The following MITD1 variants were observed in gnomAD, a reference collection of about 807,000 sequenced individuals.
MITD1 encodes the protein MIT domain-containing protein 1.
Under a neutral mutation model 34.9 loss-of-function variants are expected in MITD1, and 24 were observed. The observed-to-expected ratio is 0.69, with a 90% CI of 0.50 to 0.97. The LOEUF (loss-of-function observed/expected upper bound fraction) is 0.97, where lower values mean the gene tolerates loss of function less well. Among genes scored for constraint, MITD1 ranks in the 50% least tolerant of loss-of-function variants. The pLI is 0.00. For synonymous variants in MITD1, 102 were observed against 101.4 expected (o/e 1.01, Z -0.04); for missense variants, 266 against 294.6 (o/e 0.90, Z 0.71).
chr2:99,175,195 C>T (rs578123526), intron 1 of MITD1, among the ~76,000 whole-genome samples: 1 of 152,260 alleles, frequency 6.6e-6, no homozygotes, highest in Admixed American at 6.5e-5. Flanking sequence ...AACACTGAAA[C>T]AATACTATGA....
Position 99,180,370 on chromosome 2 carries a change from A to G in MITD1, c.151+461T>C, listed in dbSNP as rs184392361. Among the ~76,000 whole-genome samples the G allele has an allele frequency of 5.5e-3, 834 of 152,340 alleles. 42 individuals carry two copies. The highest frequency in any genetic ancestry group is 0.051 in the Admixed American group (777 of 15,310). On this transcript the variant is annotated intron_variant, in intron 1 of 6. Transcript: ENST00000289359. ...ATTTTTAAGAAATTTTTGCTTAAGG[A>G]AAATTAACTAAAGACATCATAGCAT... is the stretch of plus-strand genomic sequence containing the variant.
In MITD1 at chr2:99,169,460, G is replaced by A. The variant is rs1256207512; in HGVS notation, c.665C>T (p.Ser222Phe). 18 of 808,114 alleles carry A rather than the reference G, an allele frequency of 2.2e-5. No homozygotes were observed. Among genetic ancestry groups the A allele is most frequent in the Middle Eastern group, 2.6e-4 (1 of 3,848 alleles). The allele number at this position is 808,114 out of a possible 1,614,324, so 50.1% of individuals were successfully genotyped here. A position where few individuals can be genotyped will look rare whatever the true frequency, so the allele number is the denominator to read the frequency against. Residue 222 changes from serine to phenylalanine, a missense_variant, in exon 7 of 7, where the codon TCC becomes TTC. Transcript: ENST00000289359. ...TAAATCAAAATCACAATATCCAAGG[G>A]AAAAACGACTCTAAGAAGAGAAGAA... is the stretch of plus-strand genomic sequence containing the variant. ...DYFKKPQSRF[S>F]LGYCDFDLRP...
chr2:99,170,474 C>A, intron 5 of MITD1, 63 bp downstream of exon 5: 1 of 498,938 alleles, frequency 2.0e-6, no homozygotes, highest in South Asian at 4.3e-5. Flanking sequence ...TTATATAAAA[C>A]ATTTACAAAA....
chr2:99,166,890 TATATATAA>T, downstream of MITD1, among the ~76,000 whole-genome samples: 2 of 135,470 alleles, frequency 1.5e-5, no homozygotes, highest in South Asian at 2.2e-4. Context: ...TATATATATA[TATATATAA>T]ATTTTTCATT....
rs1437979197 is a variant in MITD1, at chr2:99,180,887, G to C, written c.95C>G (p.Pro32Arg). ...CTCTTGGTAACACACCAGAGCCTGC[G>C]GATACCGCGACTCCGAATCTAGTTC... Reference protein sequence around the residue: ...AVELDSESRYPQALVCYQEGI... With the variant: ...AVELDSESRYRQALVCYQEGI... The change falls in exon 1 of 7, where the codon CCG (proline) becomes CGG (arginine). Residue 32 changes from proline (P) to arginine (R), a missense_variant. Transcript: ENST00000289359. 1.9e-6 allele frequency: 3 copies of C among 1,614,048 alleles called. No homozygotes were observed. The highest frequency in any genetic ancestry group is 2.2e-5 in the East Asian group (1 of 44,892).
At chr2:99,174,214 C>G (rs1186921112) in intron 1 of MITD1, among the ~76,000 whole-genome samples, 198 bp from the exon 2 acceptor site, 8 of 152,092 alleles carry the variant, frequency 5.3e-5, no homozygotes, top group Non-Finnish European at 1.0e-4. Context: ...CGTGATGCAG[C>G]TTGGTTTAGG....
chr2:99,181,029 G>A lies in MITD1; in HGVS notation c.-48C>T. The A allele has an allele frequency of 6.3e-7, 1 of 1,577,682 alleles. No homozygotes were observed. Among genetic ancestry groups the A allele is most frequent in the South Asian group, 1.2e-5 (1 of 86,528 alleles). On this transcript the variant is annotated 5_prime_UTR_variant, in exon 1 of 7. Coordinates refer to ENST00000289359, the MANE Select transcript of MITD1 (RefSeq NM_138798.3). ...CTCAACCCAGGATGAAGTTGAGCGG[G>A]TCTGCTGCGCTTCCGGGAAGTGGTC... is the stretch of plus-strand genomic sequence containing the variant.
At chr2:99,173,877 G>C in intron 2 of MITD1, 38 bp downstream of exon 2, 1 of 1,281,258 alleles carries the variant, frequency 7.8e-7, no homozygotes, top group Non-Finnish European at 1.1e-6. Context: ...GACAGTCACA[G>C]TTGTTTATGG....
intron 1 of MITD1, among the ~76,000 whole-genome samples, chr2:99,174,256 T>C (rs913530197): frequency 6.6e-6 from 1 of 152,190 alleles, no homozygotes; most frequent in African/African-American, 2.4e-5. Flanking sequence ...GTCTCATCTC[T>C]GGGACATCAA....
rs895432637 is a variant in MITD1, at chr2:99,169,318, TA to T, written c.*56del. 85 of 855,776 alleles carry T rather than the reference TA, an allele frequency of 9.9e-5. No individual in the cohort carries two copies. Among genetic ancestry groups the T allele is most frequent in the Admixed American group, 2.6e-4 (10 of 38,662 alleles). The allele number at this position is 855,776 out of a possible 1,614,324, so 53.0% of individuals were successfully genotyped here. A position where few individuals can be genotyped will look rare whatever the true frequency, so the allele number is the denominator to read the frequency against. ...TTCATACATTATAAAAGTGATCTTT[TA>T]AAAAAAATCCAATATTCACTTAAAG... On this transcript the variant is annotated 3_prime_UTR_variant, in exon 7 of 7. Coordinates refer to ENST00000289359, the MANE Select transcript of MITD1 (RefSeq NM_138798.3).
downstream of MITD1, chr2:99,161,867 G>C: frequency 8.3e-7 from 1 of 1,211,870 alleles, no homozygotes; most frequent in Non-Finnish European, 1.1e-6. Context: ...TTTAAGTTTG[G>C]ATTAAATAAC....
At chr2:99,166,246 TA>T (rs1485523452), downstream of MITD1, among the ~76,000 whole-genome samples, 2 of 151,322 alleles carry the variant, frequency 1.3e-5, no homozygotes, top group African/African-American at 4.9e-5. Context: ...CTTCGGTATT[TA>T]AAATGTAAGA....
intron 7 of MITD1, chr2:99,162,384 C>T (rs1350484587): frequency 1.2e-6 from 2 of 1,613,814 alleles, no homozygotes; most frequent in Admixed American, 1.7e-5. Context: ...TGTCCAACCC[C>T]AGCTGGATGT....
chr2:99,162,364 C>T (rs1464913647), intron 7 of MITD1: 7 of 1,613,890 alleles, frequency 4.3e-6, no homozygotes, highest in Non-Finnish European at 5.9e-6. Context: ...ATTGTGAGAG[C>T]TCTGAATGCT....
Position 99,173,988 on chromosome 2 carries a change from A to AT in MITD1, c.179dup (p.Asn60LysfsTer34), listed in dbSNP as rs1299945199. ...TGTATTTGGAAATTTTTTCTCTGAGATTACATCTCTTAGTATTATCTTTGG... is the reference window on the plus strand; with the variant it reads ...TGTATTTGGAAATTTTTTCTCTGAGATTTACATCTCTTAGTATTATCTTTGG... On this transcript the variant is annotated frameshift_variant, in exon 2 of 7. Transcript: ENST00000289359. LOFTEE classifies it high-confidence loss of function. 1.3e-6 allele frequency: 2 copies of AT among 1,582,964 alleles called. No homozygotes were observed. The highest frequency in any genetic ancestry group is 1.7e-6 in the Non-Finnish European group (2 of 1,153,754).
rs1368940192 is a variant in MITD1, at chr2:99,180,823, T to C, written c.151+8A>G. The C allele has an allele frequency of 4.3e-6, 7 of 1,613,348 alleles. No individual in the cohort carries two copies. Among genetic ancestry groups the C allele is most frequent in the African/African-American group, 2.7e-5 (2 of 74,952 alleles). On this transcript the variant is annotated splice_region_variant and intron_variant, in intron 1 of 6. Transcript: ENST00000289359. ...CTCAGGTCCTCCCCGCCTTGGCTCA[T>C]TGCTCACCTTTCAGAACCTGCAGGA...
At chr2:99,161,945 C>T, downstream of MITD1, 1 of 1,555,192 alleles carries the variant, frequency 6.4e-7, no homozygotes, top group Non-Finnish European at 8.7e-7. Context: ...GTTTGTCTTC[C>T]ATTTTTAAAA....
At chr2:99,171,273 T>C in intron 4 of MITD1, 70 bp downstream of exon 4, 1 of 1,163,266 alleles carries the variant, frequency 8.6e-7, no homozygotes. Context: ...ATCTGTGTTC[T>C]CCTTGACTGG....
At chr2:99,175,431 A>T (rs1574832902) in intron 1 of MITD1, among the ~76,000 whole-genome samples, 1 of 152,178 alleles carries the variant, frequency 6.6e-6, no homozygotes, top group African/African-American at 2.4e-5. Context: ...ATGTTTTCTC[A>T]TCATTAGACT....
Sources: gnomAD v4.1 joint callset for allele counts (sites outside exome capture counted in the v4.1 genomes callset) on GRCh38, gnomAD v4.1.1 for gene constraint, MANE v1.5 for transcripts, NCBI Gene and HGNC (gene_info 2026-07-23, HGNC 2026-07-21) for gene names.